Variants in TERB2 observed in about 807,000 individuals in gnomAD.
The protein encoded by TERB2 is telomere repeats-binding bouquet formation protein 2.
A neutral mutation model predicts 29.8 loss-of-function variants in TERB2; 26 were observed. That is an observed-to-expected ratio of 0.87 (90% CI 0.64 to 1.21). The LOEUF is 1.21. TERB2 is among the 50% of genes most tolerant of loss of function. TERB2 has a pLI of 0.00. For missense variants in TERB2, 240 were observed against 268.6 expected (o/e 0.89, Z 0.74); for synonymous variants, 80 against 90.8 (o/e 0.88, Z 0.68).
intron 2 of TERB2, 44 bp from the exon 3 acceptor site, chr15:44,958,329 C>G: frequency 6.4e-7 from 1 of 1,554,174 alleles, no homozygotes; most frequent in African/African-American, 1.4e-5. Context: ...TAAATACATT[C>G]TTGTTTCTTT....
chr15:44,969,238 T>G (rs763556675), intron 5 of TERB2, among the ~76,000 whole-genome samples: 5 of 152,156 alleles, frequency 3.3e-5, no homozygotes, highest in South Asian at 2.1e-4. Flanking sequence ...TGAGTAGCTG[T>G]GACTACAGCT....
chr15:44,970,472 T>C (rs1891951018), intron 5 of TERB2: 1 of 196,306 alleles, frequency 5.1e-6, no homozygotes, highest in South Asian at 1.3e-4. Context: ...ATAGTTCAGC[T>C]AGCATTTGAG....
At chr15:44,973,666 A>T in intron 5 of TERB2, 1 of 286,436 alleles carries the variant, frequency 3.5e-6, no homozygotes, top group Non-Finnish European at 5.4e-6. Flanking sequence ...ATATTTTTAA[A>T]AAATCACTAT....
At chr15:44,971,323 T>C (rs1329610267) in intron 5 of TERB2, 2 of 152,284 alleles carry the variant, frequency 1.3e-5, no homozygotes, top group Admixed American at 6.5e-5. Flanking sequence ...CTCTGAGTTA[T>C]TGAAATGAGG....
chr15:44,969,540 G>A lies in TERB2; in HGVS notation c.434+3297G>A, dbSNP rs1243351381. On this transcript the variant is annotated intron_variant, in intron 5 of 6. Coordinates refer to ENST00000340827, the MANE Select transcript of TERB2 (RefSeq NM_152448.3). ...ATGGTGGCTCACACCTGTCATCCCA[G>A]CACTTTGGAAAGCTGAGCCATGAGG... is the stretch of plus-strand genomic sequence containing the variant. Among the ~76,000 whole-genome samples, 7 of 151,736 alleles carry A rather than the reference G, an allele frequency of 4.6e-5. No individual in the cohort carries two copies. In the South Asian group the frequency reaches 1.2e-3, roughly 27 times the overall value.
chr15:44,964,160 G>T (rs1282821764), intron 4 of TERB2, among the ~76,000 whole-genome samples: 2 of 152,068 alleles, frequency 1.3e-5, no homozygotes, highest in African/African-American at 4.8e-5. Flanking sequence ...TCACAACAAA[G>T]AGTTAGGGAG....
intron 2 of TERB2, among the ~76,000 whole-genome samples, chr15:44,957,332 G>GAAAT (rs1256601193): frequency 1.3e-5 from 2 of 152,094 alleles, no homozygotes; most frequent in African/African-American, 4.8e-5. Flanking sequence ...TTGAGGGAAA[G>GAAAT]AAATAGACAA....
intron 4 of TERB2, among the ~76,000 whole-genome samples, chr15:44,964,769 A>G (rs1313070634): frequency 6.6e-6 from 1 of 152,188 alleles, no homozygotes; most frequent in Non-Finnish European, 1.5e-5. Flanking sequence ...CATAGAATAT[A>G]TACGTGGAAG....
rs767281031 is a variant in TERB2, at chr15:44,956,693, C to A, written c.-26C>A. On this transcript the variant is annotated 5_prime_UTR_variant, in exon 1 of 7. Transcript: ENST00000340827. Reference sequence around the variant, plus strand: ...ATCTCAGCTCTGCGGCCTCCTCTCTCACATCTCCACAGGCTTGGCGACGCC... The same window carrying A: ...ATCTCAGCTCTGCGGCCTCCTCTCTAACATCTCCACAGGCTTGGCGACGCC... 2 of 1,575,544 alleles carry A rather than the reference C, an allele frequency of 1.3e-6. No individual in the cohort carries two copies. Among genetic ancestry groups the A allele is most frequent in the Non-Finnish European group, 1.7e-6 (2 of 1,162,474 alleles).
At chr15:44,977,481 T>G (rs971154822) in intron 6 of TERB2, among the ~76,000 whole-genome samples, 21 of 152,300 alleles carry the variant, frequency 1.4e-4, no homozygotes, top group Admixed American at 4.6e-4. Flanking sequence ...AATAGTGATA[T>G]TTTTCTGCAC....
chr15:44,977,685 A>T (rs1892065773), intron 6 of TERB2, among the ~76,000 whole-genome samples: 1 of 152,216 alleles, frequency 6.6e-6, no homozygotes, highest in Non-Finnish European at 1.5e-5. Flanking sequence ...AAAAATGATT[A>T]AACAATATGC....
At chr15:44,977,838 A>C (rs1450646484) in intron 6 of TERB2, among the ~76,000 whole-genome samples, 2 of 152,200 alleles carry the variant, frequency 1.3e-5, no homozygotes, top group Admixed American at 1.3e-4. Flanking sequence ...TTACACATAA[A>C]ATGTAATCAT....
intron 1 of TERB2, 24 bp downstream of exon 1, chr15:44,956,806 G>C: frequency 6.2e-7 from 1 of 1,613,546 alleles, no homozygotes; most frequent in Non-Finnish European, 8.5e-7. Flanking sequence ...TGGAAGCAGC[G>C]GGTTAGGTGG....
rs143499495 is a variant in TERB2, at chr15:44,956,749, G to T, written c.31G>T (p.Gly11Cys). ...TCAAGGGCAGCGCGGTTGGTTTTGC[G>T]GCAGCGTTAGCCAGGATCTGAGGCA... is the stretch of plus-strand genomic sequence containing the variant. The part of the protein sequence containing the change: MFQGQRGWFC[G>C]SVSQDLRQFW... Residue 11 changes from glycine to cysteine, a missense_variant, in exon 1 of 7, where the codon GGC becomes TGC. Transcript: ENST00000340827. 4 of 1,612,640 alleles carry T rather than the reference G, an allele frequency of 2.5e-6. No individual in the cohort carries two copies. The Admixed American group carries it at 5.0e-5, about 20-fold the overall frequency.
chr15:44,968,548 T>C (rs2141242821), intron 5 of TERB2, among the ~76,000 whole-genome samples: 1 of 151,282 alleles, frequency 6.6e-6, no homozygotes, highest in Middle Eastern at 3.4e-3. Context: ...TATTATGATG[T>C]GTACTGGCAG....
intron 5 of TERB2, among the ~76,000 whole-genome samples, chr15:44,967,007 G>A (rs1891901702): frequency 6.6e-6 from 1 of 152,170 alleles, no homozygotes; most frequent in Non-Finnish European, 1.5e-5. Context: ...GCTGAGGTGG[G>A]AGGATCGCTT....
intron 2 of TERB2, among the ~76,000 whole-genome samples, chr15:44,957,782 AC>A (rs1891741765): frequency 1.3e-5 from 2 of 151,158 alleles, no homozygotes; most frequent in Admixed American, 1.3e-4. Context: ...TCAGGGCCCT[AC>A]CACCCTCCTT....
At chr15:44,966,537 T>C (rs1278350950) in intron 5 of TERB2, among the ~76,000 whole-genome samples, 2 of 152,258 alleles carry the variant, frequency 1.3e-5, no homozygotes, top group East Asian at 3.9e-4. Context: ...TACTATACTA[T>C]CTCATAGTAT....
chr15:44,973,185 C>T (rs1891996438), intron 5 of TERB2, among the ~76,000 whole-genome samples: 1 of 152,138 alleles, frequency 6.6e-6, no homozygotes, highest in Non-Finnish European at 1.5e-5. Context: ...CTCGCCTAGA[C>T]ATCAGTTTTT....
Sources: allele counts gnomAD v4.1 joint callset (sites outside exome capture counted in the v4.1 genomes callset), GRCh38; gene constraint gnomAD v4.1.1; transcripts MANE v1.5; gene names NCBI Gene and HGNC (gene_info 2026-07-23, HGNC 2026-07-21).